C4orf51: variants seen among roughly 807,000 people sequenced by gnomAD.
The protein encoded by C4orf51 is uncharacterized protein C4orf51.
A neutral mutation model predicts 25.2 loss-of-function variants in C4orf51; 25 were observed. The observed-to-expected ratio is 0.99, with a 90% CI of 0.72 to 1.39. C4orf51 has a LOEUF of 1.39. Among genes scored for constraint, C4orf51 ranks in the 40% most tolerant of loss-of-function variants. C4orf51 has a pLI of 0.00. For missense variants in C4orf51, 252 were observed against 239.6 expected (o/e 1.05, Z -0.34); for synonymous variants, 100 against 84.5 (o/e 1.18, Z -1.01).
chr4:145,754,367 C>G (rs572461921), downstream of C4orf51: 19 of 152,250 alleles, frequency 1.2e-4, no homozygotes, highest in Non-Finnish European at 2.2e-4. Flanking sequence ...TATAAGAAAC[C>G]ATTTACTCTT....
At chr4:145,753,174 GT>G (rs1733775387) in intron 1 of C4orf51, among the ~76,000 whole-genome samples, 10 of 137,578 alleles carry the variant, frequency 7.3e-5, no homozygotes, top group Non-Finnish European at 1.4e-4. Flanking sequence ...GTGTGTGTGT[GT>G]GTGTAGTTGT....
intron 2 of C4orf51, among the ~76,000 whole-genome samples, chr4:145,702,722 G>T (rs554096185): frequency 6.6e-6 from 1 of 152,100 alleles, no homozygotes; most frequent in Non-Finnish European, 1.5e-5. Flanking sequence ...AGATGTCCTA[G>T]GTCCTCCCAA....
chr4:145,775,762 G>T, downstream of C4orf51: 2 of 1,613,314 alleles, frequency 1.2e-6, no homozygotes, highest in South Asian at 1.1e-5. Flanking sequence ...GAGAAAGGCG[G>T]ACTAGCATGT....
chr4:145,782,662 C>A, the C4orf51 span, among the ~76,000 whole-genome samples: 1 of 152,196 alleles, frequency 6.6e-6, no homozygotes, highest in African/African-American at 2.4e-5. Flanking sequence ...CCAGAATGAT[C>A]TTTCCGAGGC....
chr4:145,785,650 T>C, the C4orf51 span, among the ~76,000 whole-genome samples: 2 of 152,260 alleles, frequency 1.3e-5, no homozygotes, highest in South Asian at 2.1e-4. Flanking sequence ...TTCAATGTTT[T>C]CTGTTTTATA....
Position 145,708,650 on chromosome 4 carries a change from G to T in C4orf51, c.307+12018G>T, listed in dbSNP as rs138467160. On this transcript the variant is annotated intron_variant, in intron 2 of 5. Transcript: ENST00000438731. ...CAGTGGGCTCCTTGTTTATCCTTGG[G>T]GTTCCAGAATGAACCAGTCTTACCA... is the stretch of plus-strand genomic sequence containing the variant. Among the ~76,000 whole-genome samples, 538 of 152,244 alleles carry T rather than the reference G, an allele frequency of 3.5e-3. 1 individual carries two copies. Among genetic ancestry groups the T allele is most frequent in the African/African-American group, 0.013 (525 of 41,536 alleles).
At chr4:145,748,649 A>G (rs897143266) in intron 1 of C4orf51, among the ~76,000 whole-genome samples, 30 of 152,172 alleles carry the variant, frequency 2.0e-4, no homozygotes, top group African/African-American at 7.2e-4. Flanking sequence ...CCGACCATTC[A>G]GAAACATATT....
At chr4:145,720,392 A>G (rs1045296724) in intron 2 of C4orf51, among the ~76,000 whole-genome samples, 1 of 152,004 alleles carries the variant, frequency 6.6e-6, no homozygotes, top group Non-Finnish European at 1.5e-5. Context: ...CCTCAGCTAT[A>G]CGGGGAGATA....
At chr4:145,714,947 A>C (rs1731324291) in intron 2 of C4orf51, among the ~76,000 whole-genome samples, 1 of 152,196 alleles carries the variant, frequency 6.6e-6, no homozygotes, top group African/African-American at 2.4e-5. Flanking sequence ...GCAGAGCCAG[A>C]CCAGATGCCG....
intron 2 of C4orf51, among the ~76,000 whole-genome samples, chr4:145,700,926 G>A (rs1435946652): frequency 5.9e-5 from 9 of 151,970 alleles, no homozygotes; most frequent in Non-Finnish European, 1.0e-4. Context: ...CACCTGCCCA[G>A]CAATTTACTC....
downstream of C4orf51, chr4:145,774,469 G>A: frequency 1.9e-6 from 3 of 1,589,312 alleles, no homozygotes; most frequent in African/African-American, 2.7e-5. Flanking sequence ...GCAGGGGATG[G>A]AGAAGGAGTG....
intron 1 of C4orf51, among the ~76,000 whole-genome samples, chr4:145,750,585 T>G (rs1456141875): frequency 6.6e-6 from 1 of 152,120 alleles, no homozygotes; most frequent in Non-Finnish European, 1.5e-5. Flanking sequence ...TCTTTGACCT[T>G]TGGGAGTTTG....
chr4:145,699,503 G>A (rs1730291315), intron 2 of C4orf51, among the ~76,000 whole-genome samples: 1 of 151,966 alleles, frequency 6.6e-6, no homozygotes, highest in Non-Finnish European at 1.5e-5. Context: ...GCGCCACACT[G>A]CAGTCTCTCC....
At chr4:145,693,850 C>CT (rs2126680302) in intron 1 of C4orf51, among the ~76,000 whole-genome samples, 1 of 98,594 alleles carries the variant, frequency 1.0e-5, no homozygotes, top group Non-Finnish European at 2.1e-5. Context: ...GCTGACCCCC[C>CT]CCACCTCCCT....
the C4orf51 span, among the ~76,000 whole-genome samples, chr4:145,781,195 C>CAAAAAAAAAAAAAAAAAAAACA: frequency 1.8e-5 from 1 of 56,546 alleles, no homozygotes; most frequent in Non-Finnish European, 2.8e-5. Flanking sequence ...GACACCATCT[C>CAAAAAAAAAAAAAAAAAAAACA]AAAAAAAAAA....
chr4:145,783,297 A>C, the C4orf51 span, among the ~76,000 whole-genome samples: 2 of 152,258 alleles, frequency 1.3e-5, no homozygotes, highest in South Asian at 4.1e-4. Flanking sequence ...GTGAATAGAC[A>C]TTATTCTTAT....
downstream of C4orf51, among the ~76,000 whole-genome samples, chr4:145,775,409 A>G (rs1736908259): frequency 6.6e-6 from 1 of 152,094 alleles, no homozygotes; most frequent in Non-Finnish European, 1.5e-5. Context: ...TGGGGTTCTC[A>G]GATTTATATT....
In C4orf51 at chr4:145,726,823, A is replaced by G. The variant is rs968619593; in HGVS notation, c.308-88A>G. ...AAGGGAAGCAATTGAAGTGTGTACA[A>G]TTTGTGGTAATAGCCTAATTGGAAG... On this transcript the variant is annotated intron_variant, in intron 2 of 5. Coordinates refer to ENST00000438731, the MANE Select transcript of C4orf51 (RefSeq NM_001080531.3). The G allele has an allele frequency of 7.4e-6, 8 of 1,079,364 alleles. No homozygotes were observed. In the African/African-American group the frequency reaches 1.1e-4, roughly 15 times the overall value. The allele number at this position is 1,079,364 out of a possible 1,614,324, so 66.9% of individuals were successfully genotyped here.
chr4:145,749,885 C>T (rs1396768955), intron 1 of C4orf51, among the ~76,000 whole-genome samples: 4 of 152,096 alleles, frequency 2.6e-5, no homozygotes, highest in East Asian at 3.9e-4. Context: ...CTGCCCGCCT[C>T]GGCCTCCCAA....
Sources: allele counts gnomAD v4.1 joint callset (sites outside exome capture counted in the v4.1 genomes callset), GRCh38; gene constraint gnomAD v4.1.1; transcripts MANE v1.5; gene names NCBI Gene and HGNC (gene_info 2026-07-23, HGNC 2026-07-21).